CNTN4: variants seen among roughly 807,000 people sequenced by gnomAD.
The protein encoded by CNTN4 is contactin-4.
Under a neutral mutation model 122.5 loss-of-function variants are expected in CNTN4, and 77 were observed. That is an observed-to-expected ratio of 0.63 (90% CI 0.52 to 0.76). The LOEUF is 0.76. Among genes scored for constraint, CNTN4 ranks in the 30% least tolerant of loss-of-function variants. The probability of loss-of-function intolerance (pLI) is 0.00; values close to 1 mark genes in which losing one functional copy is unlikely to be tolerated. For synonymous variants in CNTN4, 512 were observed against 447.0 expected, an observed-to-expected ratio of 1.15 and a Z score of -1.83; for missense variants, 1,256 against 1,259.1, an observed-to-expected ratio of 1.00 and a Z score of 0.04.
chr3:2,416,285 A>T (rs151077518), intron 3 of CNTN4, among the ~76,000 whole-genome samples: 109 of 152,304 alleles, frequency 7.2e-4, no homozygotes, highest in African/African-American at 2.5e-3. Context: ...GTCACTTTAC[A>T]TTAGCCCTAA....
chr3:2,280,725 C>T (rs2041683830), intron 2 of CNTN4, among the ~76,000 whole-genome samples: 2 of 152,204 alleles, frequency 1.3e-5, no homozygotes, highest in South Asian at 2.1e-4. Context: ...CTTCCTTTGT[C>T]AGCTTTGAGA....
intron 2 of CNTN4, among the ~76,000 whole-genome samples, chr3:2,254,833 G>T (rs2040514190): frequency 6.6e-6 from 1 of 152,014 alleles, no homozygotes; most frequent in African/African-American, 2.4e-5. Flanking sequence ...CATTCTATAG[G>T]TTGCCTTTTC....
intron 2 of CNTN4, among the ~76,000 whole-genome samples, chr3:2,297,537 T>C (rs1439219720): frequency 1.3e-5 from 2 of 152,224 alleles, no homozygotes; most frequent in African/African-American, 4.8e-5. Flanking sequence ...ATACATCGTC[T>C]GTCTGATTTC....
chr3:2,618,291 GTA>G (rs1225464591), intron 4 of CNTN4, among the ~76,000 whole-genome samples: 1 of 152,034 alleles, frequency 6.6e-6, no homozygotes, highest in African/African-American at 2.4e-5. Flanking sequence ...AATAATATAT[GTA>G]TATGTGTGTA....
intron 2 of CNTN4, among the ~76,000 whole-genome samples, chr3:2,214,103 A>T (rs1317914700): frequency 6.6e-6 from 1 of 152,046 alleles, no homozygotes; most frequent in East Asian, 1.9e-4. Context: ...CATGATTGGG[A>T]GGAGGGAATG....
intron 3 of CNTN4, among the ~76,000 whole-genome samples, chr3:2,477,838 C>T (rs2075875081): frequency 6.6e-6 from 1 of 152,186 alleles, no homozygotes; most frequent in Admixed American, 6.5e-5. Context: ...TGAGGTATTG[C>T]AGGCTGTGGC....
At chr3:2,796,062 G>A (rs188716436) in intron 6 of CNTN4, among the ~76,000 whole-genome samples, 23 of 152,152 alleles carry the variant, frequency 1.5e-4, no homozygotes, top group Middle Eastern at 3.4e-3. Context: ...ATTGTTGATT[G>A]GGACTTTCTT....
chr3:2,839,189 A>T (rs2150477256), intron 7 of CNTN4, among the ~76,000 whole-genome samples: 2 of 152,316 alleles, frequency 1.3e-5, no homozygotes, highest in East Asian at 3.9e-4. Flanking sequence ...ATTTTTTCCA[A>T]ATCTACAAAG....
At chr3:3,041,090 T>C (rs547787024) in intron 20 of CNTN4, 1 of 152,380 alleles carries the variant, frequency 6.6e-6, no homozygotes, top group South Asian at 2.1e-4. Context: ...ACAGTCTTCG[T>C]TACCTTTGGA....
intron 4 of CNTN4, among the ~76,000 whole-genome samples, chr3:2,599,355 A>G (rs1401963049): frequency 6.6e-6 from 1 of 152,260 alleles, no homozygotes; most frequent in Non-Finnish European, 1.5e-5. Context: ...ATCTGAATCC[A>G]GAATCTGAGC....
intron 2 of CNTN4, among the ~76,000 whole-genome samples, chr3:2,184,378 A>G (rs2037153933): frequency 6.6e-6 from 1 of 152,144 alleles, no homozygotes; most frequent in Non-Finnish European, 1.5e-5. Context: ...GACAGAGCCC[A>G]GAGCATGGGT....
chr3:2,988,535 C>G, intron 14 of CNTN4, 63 bp downstream of exon 14: 1 of 1,563,192 alleles, frequency 6.4e-7, no homozygotes, highest in Non-Finnish European at 8.8e-7. Flanking sequence ...ATAATGTAAT[C>G]TACCGAAGTG....
chr3:2,626,619 G>T (rs113582554), intron 4 of CNTN4, among the ~76,000 whole-genome samples: 4,114 of 152,232 alleles, frequency 0.027, 190 homozygotes, highest in African/African-American at 0.093. Flanking sequence ...GGAGAGGAAA[G>T]AATTGGATTG....
chr3:2,900,046 T>A (rs972061038), intron 10 of CNTN4, among the ~76,000 whole-genome samples: 2 of 152,130 alleles, frequency 1.3e-5, no homozygotes, highest in African/African-American at 4.8e-5. Context: ...AAATGGCAGG[T>A]GGATGTGGAG....
chr3:2,367,704 C>T (rs576559970), intron 3 of CNTN4, among the ~76,000 whole-genome samples: 4 of 152,064 alleles, frequency 2.6e-5, no homozygotes, highest in Admixed American at 6.5e-5. Context: ...AGGCTGGTCT[C>T]GAACTCCTGA....
intron 2 of CNTN4, among the ~76,000 whole-genome samples, chr3:2,272,221 A>C (rs1426351521): frequency 6.6e-6 from 1 of 152,150 alleles, no homozygotes; most frequent in Non-Finnish European, 1.5e-5. Flanking sequence ...TATTACAAGC[A>C]AAATAGAAAA....
chr3:2,147,560 C>G (rs549653908), intron 2 of CNTN4, among the ~76,000 whole-genome samples: 35 of 152,124 alleles, frequency 2.3e-4, no homozygotes, highest in African/African-American at 8.2e-4. Context: ...TCTTTCCCGT[C>G]CTCCACTCTT....
intron 8 of CNTN4, among the ~76,000 whole-genome samples, chr3:2,870,627 T>C (rs2093773782): frequency 1.3e-5 from 2 of 152,162 alleles, no homozygotes. Flanking sequence ...GTATAGAATT[T>C]GTACAATCAT....
At chr3:2,577,069 C>G (rs910652079) in intron 4 of CNTN4, among the ~76,000 whole-genome samples, 5 of 152,176 alleles carry the variant, frequency 3.3e-5, no homozygotes, top group Non-Finnish European at 7.3e-5. Flanking sequence ...ATTTAACATA[C>G]TTTCTTAGGG....
Sources: allele counts gnomAD v4.1 joint callset (sites outside exome capture counted in the v4.1 genomes callset), GRCh38; gene constraint gnomAD v4.1.1; transcripts MANE v1.5; gene names NCBI Gene and HGNC (gene_info 2026-07-23, HGNC 2026-07-21).